Variants in EPHA3 observed in about 807,000 individuals in gnomAD.
The protein encoded by EPHA3 is ephrin type-A receptor 3.
EPHA3 carries 42 observed loss-of-function variants against 107.1 expected under a neutral mutation model. That is an observed-to-expected ratio of 0.39 (90% CI 0.31 to 0.51). EPHA3 has a LOEUF of 0.51. EPHA3 is among the 20% of genes least tolerant of loss of function. The pLI is 0.78. For missense variants in EPHA3, 1,183 were observed against 1,211.2 expected, an observed-to-expected ratio of 0.98 and a Z score of 0.35; for synonymous variants, 461 against 424.8, an observed-to-expected ratio of 1.09 and a Z score of -1.05.
chr3:89,352,528 A>G (rs1447862122), intron 5 of EPHA3, among the ~76,000 whole-genome samples: 1 of 151,222 alleles, frequency 6.6e-6, no homozygotes, highest in African/African-American at 2.4e-5. Context: ...TAAGAAAAGT[A>G]AATATCTTTA....
chr3:89,318,601 A>G (rs565737587), intron 3 of EPHA3, among the ~76,000 whole-genome samples: 4 of 152,052 alleles, frequency 2.6e-5, no homozygotes, highest in South Asian at 4.1e-4. Flanking sequence ...CCAGCTTGAT[A>G]CAGAAAGGTT....
intron 2 of EPHA3, among the ~76,000 whole-genome samples, chr3:89,137,961 G>C (rs1292251583): frequency 1.3e-5 from 2 of 151,784 alleles, no homozygotes; most frequent in Non-Finnish European, 2.9e-5. Flanking sequence ...CTGAGGATGG[G>C]GCCCAGCAAT....
chr3:89,139,544 A>G (rs1288712996), intron 2 of EPHA3, among the ~76,000 whole-genome samples: 1 of 151,866 alleles, frequency 6.6e-6, no homozygotes, highest in Non-Finnish European at 1.5e-5. Flanking sequence ...GAATCTTGTG[A>G]AAACGTTTAT....
At chr3:89,135,536 T>C (rs1704292575) in intron 2 of EPHA3, among the ~76,000 whole-genome samples, 1 of 152,114 alleles carries the variant, frequency 6.6e-6, no homozygotes, top group Non-Finnish European at 1.5e-5. Context: ...TTTTTGAAAA[T>C]AATTTGATGA....
intron 3 of EPHA3, among the ~76,000 whole-genome samples, chr3:89,289,137 G>A (rs974439847): frequency 6.6e-6 from 1 of 152,006 alleles, no homozygotes; most frequent in East Asian, 1.9e-4. Flanking sequence ...GAGATAAGTG[G>A]GCATGCTCAT....
chr3:89,138,357 G>A (rs1249832711), intron 2 of EPHA3, among the ~76,000 whole-genome samples: 1 of 151,690 alleles, frequency 6.6e-6, no homozygotes, highest in Non-Finnish European at 1.5e-5. Context: ...ACAAATACTT[G>A]TACAGTATTT....
At chr3:89,154,183 T>G (rs1704745752) in intron 2 of EPHA3, among the ~76,000 whole-genome samples, 1 of 152,034 alleles carries the variant, frequency 6.6e-6, no homozygotes, top group East Asian at 1.9e-4. Flanking sequence ...GTGCATTTAC[T>G]TGTTACTGTT....
At chr3:89,294,736 T>C (rs1438510495) in intron 3 of EPHA3, among the ~76,000 whole-genome samples, 3 of 152,214 alleles carry the variant, frequency 2.0e-5, no homozygotes, top group Non-Finnish European at 2.9e-5. Flanking sequence ...AGCACAGTTA[T>C]ATTCACTGTT....
chr3:89,244,272 C>A (rs1704979183), intron 3 of EPHA3, among the ~76,000 whole-genome samples: 1 of 151,906 alleles, frequency 6.6e-6, no homozygotes, highest in African/African-American at 2.4e-5. Context: ...TTTAGAAAAT[C>A]TGAATGAAAG....
chr3:89,131,699 G>C (rs1302473152), intron 2 of EPHA3, among the ~76,000 whole-genome samples: 2 of 152,142 alleles, frequency 1.3e-5, no homozygotes, highest in African/African-American at 4.8e-5. Flanking sequence ...AAAAAGCACT[G>C]TCTGAAATGA....
chr3:89,347,409 G>T (rs1219294637), intron 5 of EPHA3, among the ~76,000 whole-genome samples: 1 of 149,002 alleles, frequency 6.7e-6, no homozygotes, highest in Non-Finnish European at 1.5e-5. Context: ...TCATGATTTG[G>T]CTGTTTGTCT....
chr3:89,123,035 A>G (rs1707423664), intron 1 of EPHA3, among the ~76,000 whole-genome samples: 1 of 152,168 alleles, frequency 6.6e-6, no homozygotes, highest in East Asian at 1.9e-4. Flanking sequence ...GGGAAACATA[A>G]CAGTAGAAAT....
chr3:89,252,655 AG>A (rs1559619648), intron 3 of EPHA3, among the ~76,000 whole-genome samples: 1 of 152,070 alleles, frequency 6.6e-6, no homozygotes, highest in African/African-American at 2.4e-5. Flanking sequence ...TCTTGAGCCC[AG>A]GAAGTCAAAG....
intron 5 of EPHA3, among the ~76,000 whole-genome samples, chr3:89,364,288 A>C (rs912117220): frequency 7.3e-5 from 11 of 150,980 alleles, no homozygotes; most frequent in African/African-American, 2.7e-4. Flanking sequence ...TTTTGAAACC[A>C]GAATTGCTTA....
chr3:89,164,755 A>G (rs1378834995), intron 2 of EPHA3, among the ~76,000 whole-genome samples: 1 of 152,168 alleles, frequency 6.6e-6, no homozygotes, highest in African/African-American at 2.4e-5. Flanking sequence ...AGAGCATACA[A>G]TTAGTGTTAA....
chr3:89,242,924 G>T (rs1475658414), intron 3 of EPHA3, among the ~76,000 whole-genome samples: 1 of 114,764 alleles, frequency 8.7e-6, no homozygotes, highest in Non-Finnish European at 1.7e-5. Flanking sequence ...CCCACAACAG[G>T]CCCCGGTGTG....
intron 3 of EPHA3, among the ~76,000 whole-genome samples, chr3:89,254,175 A>G (rs1705225667): frequency 6.6e-6 from 1 of 152,204 alleles, no homozygotes; most frequent in Non-Finnish European, 1.5e-5. Context: ...CTTAGTAACA[A>G]TATAAATCTC....
intron 7 of EPHA3, among the ~76,000 whole-genome samples, chr3:89,404,788 A>G (rs1478553800): frequency 6.6e-6 from 1 of 152,158 alleles, no homozygotes; most frequent in East Asian, 1.9e-4. Context: ...TTCTCCTATC[A>G]TAGTTCCCTT....
intron 3 of EPHA3, among the ~76,000 whole-genome samples, chr3:89,325,835 TA>T (rs1015658920): frequency 1.3e-5 from 2 of 151,758 alleles, no homozygotes; most frequent in African/African-American, 4.8e-5. Context: ...TTTTATTTAA[TA>T]AAAAAAGTTT....
Sources: allele counts gnomAD v4.1 joint callset (sites outside exome capture counted in the v4.1 genomes callset), GRCh38; gene constraint gnomAD v4.1.1; transcripts MANE v1.5; gene names NCBI Gene and HGNC (gene_info 2026-07-23, HGNC 2026-07-21).